Variants in LRP1B observed in about 807,000 individuals in gnomAD.
The protein encoded by LRP1B is LDL receptor related protein 1B.
LRP1B carries 217 observed loss-of-function variants against 556.6 expected under a neutral mutation model. That is an observed-to-expected ratio of 0.39 (90% CI 0.35 to 0.44). LRP1B has a LOEUF of 0.44. Among genes scored for constraint, LRP1B ranks in the 20% least tolerant of loss-of-function variants. The pLI, the probability that LRP1B is intolerant of heterozygous loss-of-function variation, is 1.00. For synonymous variants in LRP1B, 2,047 were observed against 1,865.8 expected, an observed-to-expected ratio of 1.10 and a Z score of -2.50; for missense variants, 5,053 against 5,620.8, an observed-to-expected ratio of 0.90 and a Z score of 3.23.
chr2:141,377,695 T>A (rs1689488946), intron 3 of LRP1B, among the ~76,000 whole-genome samples: 1 of 151,882 alleles, frequency 6.6e-6, no homozygotes, highest in Non-Finnish European at 1.5e-5. Flanking sequence ...TGAGGCCTAA[T>A]AATATCTTTA....
At chr2:140,326,995 T>C (rs1460574065) in intron 79 of LRP1B, among the ~76,000 whole-genome samples, 4 of 152,120 alleles carry the variant, frequency 2.6e-5, no homozygotes, top group Admixed American at 2.0e-4. Context: ...AAGAGTAATA[T>C]GTATGACTCA....
chr2:141,549,556 G>A (rs1037305730), intron 2 of LRP1B, among the ~76,000 whole-genome samples: 5 of 151,812 alleles, frequency 3.3e-5, no homozygotes, highest in South Asian at 2.1e-4. Context: ...ATCTTTTGTC[G>A]GCCTTTCTCT....
At chr2:140,487,206 A>C (rs1477136211) in intron 58 of LRP1B, among the ~76,000 whole-genome samples, 1 of 151,854 alleles carries the variant, frequency 6.6e-6, no homozygotes, top group Non-Finnish European at 1.5e-5. Context: ...GTAATTGTTC[A>C]GTTTTAACAA....
chr2:141,879,240 A>T (rs1698874806), intron 1 of LRP1B, among the ~76,000 whole-genome samples: 1 of 152,010 alleles, frequency 6.6e-6, no homozygotes, highest in African/African-American at 2.4e-5. Flanking sequence ...TTTTTAAAAA[A>T]TGTTACAGCC....
At chr2:142,106,539 C>T (rs1290684807) in intron 1 of LRP1B, among the ~76,000 whole-genome samples, 2 of 151,890 alleles carry the variant, frequency 1.3e-5, no homozygotes, top group African/African-American at 4.8e-5. Flanking sequence ...GGCTTCAGGG[C>T]CAATCTATAC....
intron 25 of LRP1B, among the ~76,000 whole-genome samples, chr2:140,881,953 A>G (rs1397953007): frequency 6.6e-6 from 1 of 152,216 alleles, no homozygotes; most frequent in Non-Finnish European, 1.5e-5. Flanking sequence ...TGTCAATACA[A>G]TATCAGTGGA....
At chr2:140,438,338 T>C (rs973798245) in intron 66 of LRP1B, among the ~76,000 whole-genome samples, 2 of 152,184 alleles carry the variant, frequency 1.3e-5, no homozygotes, top group African/African-American at 4.8e-5. Context: ...GTACTTGCTT[T>C]AACTTTAGGA....
intron 3 of LRP1B, among the ~76,000 whole-genome samples, chr2:141,453,133 A>T (rs189813995): frequency 8.5e-5 from 13 of 152,212 alleles, no homozygotes; most frequent in African/African-American, 2.4e-4. Context: ...GCTACTCAGG[A>T]GGCTAAGGAA....
intron 1 of LRP1B, among the ~76,000 whole-genome samples, chr2:142,073,319 T>C (rs1382439668): frequency 6.6e-6 from 1 of 152,028 alleles, no homozygotes. Context: ...TTAAAAACTA[T>C]AGAGACCAAA....
intron 1 of LRP1B, among the ~76,000 whole-genome samples, chr2:142,045,268 T>G (rs1325817253): frequency 6.6e-6 from 1 of 151,858 alleles, no homozygotes; most frequent in Non-Finnish European, 1.5e-5. Context: ...TACTTTTAAA[T>G]CACTTCTATT....
At chr2:140,483,746 T>C (rs539167634) in intron 59 of LRP1B, among the ~76,000 whole-genome samples, 214 of 149,974 alleles carry the variant, frequency 1.4e-3, no homozygotes, top group African/African-American at 5.1e-3. Flanking sequence ...GCTCAAGCAA[T>C]TCTCATGCCT....
chr2:141,576,753 C>CAAAAA (rs72183984), intron 2 of LRP1B, among the ~76,000 whole-genome samples: 1 of 92,310 alleles, frequency 1.1e-5, no homozygotes, highest in Non-Finnish European at 2.0e-5. Flanking sequence ...GCCCCTGTCT[C>CAAAAA]AAAAAAAAAA....
chr2:141,612,303 TTCA>T (rs1688134546), intron 2 of LRP1B, among the ~76,000 whole-genome samples: 1 of 152,180 alleles, frequency 6.6e-6, no homozygotes, highest in Non-Finnish European at 1.5e-5. Flanking sequence ...TTGAAGTGTC[TTCA>T]TCAAGTGGGC....
At chr2:140,338,379 TAACAA>T (rs1443698723) in intron 77 of LRP1B, among the ~76,000 whole-genome samples, 3 of 151,614 alleles carry the variant, frequency 2.0e-5, no homozygotes, top group East Asian at 2.0e-4. Flanking sequence ...GAAGAGAGAA[TAACAA>T]AACAAAAGAC....
At chr2:141,696,813 T>A (rs1175949963) in intron 2 of LRP1B, among the ~76,000 whole-genome samples, 1 of 151,870 alleles carries the variant, frequency 6.6e-6, no homozygotes, top group Non-Finnish European at 1.5e-5. Context: ...GGGATATGAG[T>A]GACTGTTTTT....
chr2:140,800,971 TCATTTTACATAAAATGGC>T lies in LRP1B; in HGVS notation c.5359+12668_5359+12685del, dbSNP rs527631280. The stretch of plus-strand genomic sequence containing the variant: ...TTCTACAATATATTTATGGCCATGG[TCATTTTACATAAAATGGC>T]CATTTTACATAAACATTTGTCTGCT... On this transcript the variant is annotated intron_variant, in intron 32 of 90. Transcript: ENST00000389484. Among the ~76,000 whole-genome samples the T allele has an allele frequency of 9.2e-5, 14 of 152,278 alleles. No homozygotes were observed. The East Asian group carries it at 9.7e-4, about 11-fold the overall frequency.
At chr2:141,893,397 T>C (rs1374890887) in intron 1 of LRP1B, among the ~76,000 whole-genome samples, 1 of 152,128 alleles carries the variant, frequency 6.6e-6, no homozygotes, top group Non-Finnish European at 1.5e-5. Context: ...GCCGGAGTTT[T>C]ACCATGTTGG....
intron 77 of LRP1B, among the ~76,000 whole-genome samples, chr2:140,347,721 G>T (rs2105109515): frequency 6.6e-6 from 1 of 152,088 alleles, no homozygotes; most frequent in Admixed American, 6.6e-5. Context: ...AGCTTGATTT[G>T]TGTATTTTTC....
intron 71 of LRP1B, among the ~76,000 whole-genome samples, chr2:140,365,936 T>G (rs1285441409): frequency 6.6e-6 from 1 of 151,736 alleles, no homozygotes; most frequent in East Asian, 1.9e-4. Context: ...AGATGTACTT[T>G]GGAAGGAATA....
Sources: allele counts gnomAD v4.1 joint callset (sites outside exome capture counted in the v4.1 genomes callset), GRCh38; gene constraint gnomAD v4.1.1; transcripts MANE v1.5; gene names NCBI Gene and HGNC (gene_info 2026-07-23, HGNC 2026-07-21).